Variants in CAMKMT observed in about 807,000 individuals in gnomAD.
CAMKMT encodes CaM KMT.
CAMKMT carries 53 observed loss-of-function variants against 48.0 expected under a neutral mutation model. That is an observed-to-expected ratio of 1.10 (90% CI 0.89 to 1.39). The LOEUF (loss-of-function observed/expected upper bound fraction) is 1.39, where lower values mean the gene tolerates loss of function less well. Among genes scored for constraint, CAMKMT ranks in the 40% most tolerant of loss-of-function variants. The pLI, the probability that CAMKMT is intolerant of heterozygous loss-of-function variation, is 0.00. For synonymous variants in CAMKMT, 165 were observed against 152.3 expected, an observed-to-expected ratio of 1.08 and a Z score of -0.61; for missense variants, 428 against 402.7, an observed-to-expected ratio of 1.06 and a Z score of -0.54.
At chr2:44,417,773 G>A (rs186328392) in intron 3 of CAMKMT, among the ~76,000 whole-genome samples, 12 of 152,236 alleles carry the variant, frequency 7.9e-5, no homozygotes, top group African/African-American at 2.4e-4. Context: ...ATCTCATTGC[G>A]GTTCTATGCA....
chr2:44,469,277 A>T (rs1449251741), intron 3 of CAMKMT, among the ~76,000 whole-genome samples: 1 of 127,348 alleles, frequency 7.9e-6, no homozygotes, highest in East Asian at 2.3e-4. Context: ...ATATAATAAT[A>T]ATTTTTTAAA....
At chr2:44,701,920 G>T (rs566161018) in intron 3 of CAMKMT, among the ~76,000 whole-genome samples, 7 of 151,872 alleles carry the variant, frequency 4.6e-5, no homozygotes, top group African/African-American at 1.7e-4. Context: ...TTGAGATGAC[G>T]TCCAAAATGT....
chr2:44,606,191 G>T (rs566490606), intron 3 of CAMKMT, among the ~76,000 whole-genome samples: 29 of 152,236 alleles, frequency 1.9e-4, no homozygotes, highest in African/African-American at 6.5e-4. Context: ...AGCCACTAAA[G>T]TATTAGCCAA....
At chr2:44,547,726 A>G (rs1259642607) in intron 3 of CAMKMT, among the ~76,000 whole-genome samples, 2 of 152,336 alleles carry the variant, frequency 1.3e-5, no homozygotes, top group Admixed American at 6.5e-5. Context: ...TACCCATTTC[A>G]TAGGGTTACT....
In CAMKMT at chr2:44,361,988, G is replaced by A. The variant is rs759482857; in HGVS notation, c.-20G>A. 4.4e-6 allele frequency: 6 copies of A among 1,378,266 alleles called. No individual in the cohort carries two copies. Among genetic ancestry groups the A allele is most frequent in the Non-Finnish European group, 5.6e-6 (6 of 1,070,212 alleles). 85.4% of individuals were successfully genotyped at this position (1,378,266 alleles called of 1,614,324 possible). ...CGAGCTGCGGCGGTGGCACCTCCGG[G>A]TGTGGAAGGCTCCAGTGAGATGGAG... On this transcript the variant is annotated 5_prime_UTR_variant, in exon 1 of 11. It adds an upstream start codon to the 5' untranslated region. Transcript: ENST00000378494.
intron 3 of CAMKMT, among the ~76,000 whole-genome samples, chr2:44,432,111 C>G (rs1367793481): frequency 6.6e-6 from 1 of 152,064 alleles, no homozygotes; most frequent in African/African-American, 2.4e-5. Flanking sequence ...TAACTCTTGC[C>G]CCACATACAG....
In CAMKMT at chr2:44,410,317, C is replaced by G. The variant is rs569359767; in HGVS notation, c.376+20012C>G. 3.5e-4 allele frequency among the ~76,000 whole-genome samples: 24 copies of G among 68,734 alleles called. 1 individual carries two copies. The highest frequency in any genetic ancestry group is 1.9e-3 in the Admixed American group (13 of 6,716). 45.1% of individuals were successfully genotyped at this position (68,734 alleles called of 152,430 possible). A position where few individuals can be genotyped will look rare whatever the true frequency, so the allele number is the denominator to read the frequency against. ...TGTCGCCCACGCTGGAGTGCAGTGG[C>G]GCGATCTTGGCTCACTGCAGGCTCT... On this transcript the variant is annotated intron_variant, in intron 3 of 10. Coordinates refer to ENST00000378494, the MANE Select transcript of CAMKMT (RefSeq NM_024766.5).
intron 3 of CAMKMT, among the ~76,000 whole-genome samples, chr2:44,525,904 A>T (rs1184030735): frequency 1.3e-5 from 2 of 151,872 alleles, no homozygotes; most frequent in Admixed American, 1.3e-4. Flanking sequence ...CATGTGCACA[A>T]TGTGCAGGTT....
At chr2:44,367,481 C>G (rs141261590) in intron 1 of CAMKMT, among the ~76,000 whole-genome samples, 3 of 152,250 alleles carry the variant, frequency 2.0e-5, no homozygotes, top group African/African-American at 7.2e-5. Context: ...ATATGAAAAA[C>G]AAATGAATTT....
intron 3 of CAMKMT, among the ~76,000 whole-genome samples, chr2:44,391,553 T>A (rs11889669): frequency 0.015 from 2,221 of 152,212 alleles, 50 homozygotes; most frequent in African/African-American, 0.049. Flanking sequence ...TCTGGGGTAA[T>A]GTTAAATATC....
In CAMKMT at chr2:44,766,460, G is replaced by A; in HGVS notation, c.793G>A (p.Gly265Arg). ...AGCGATGGTATTTGCCCCACGCCGA[G>A]GGAATACTTTAAACCAGTTTTGCAA... is the stretch of plus-strand genomic sequence containing the variant. ...GKAMVFAPRR[G>R]NTLNQFCNLA... The change falls in exon 10 of 11, where the codon GGG becomes AGG. Residue 265 changes from glycine (G) to arginine (R), a missense_variant. By Grantham distance (125) the Gly-to-Arg change is moderately radical. Coordinates refer to ENST00000378494, the MANE Select transcript of CAMKMT (RefSeq NM_024766.5). The A allele has an allele frequency of 6.2e-7, 1 of 1,614,134 alleles. No individual in the cohort carries two copies. Among genetic ancestry groups the A allele is most frequent in the Non-Finnish European group, 8.5e-7 (1 of 1,180,022 alleles).
rs544848642 is a variant in CAMKMT at position 44,644,653 on chromosome 2, C to T, written c.377-59630C>T. The stretch of plus-strand genomic sequence containing the variant: ...CAAAATGTAAACTGAAGTTTCTTTT[C>T]ATTTCTTTGCACTGTTAATATTATT... On this transcript the variant is annotated intron_variant, in intron 3 of 10. Transcript: ENST00000378494. Among the ~76,000 whole-genome samples the T allele has an allele frequency of 2.0e-5, 3 of 152,264 alleles. No individual in the cohort carries two copies. The South Asian group carries it at 6.2e-4, about 32-fold the overall frequency.
chr2:44,751,056 A>G (rs1479462384), intron 8 of CAMKMT, among the ~76,000 whole-genome samples: 1 of 152,170 alleles, frequency 6.6e-6, no homozygotes, highest in East Asian at 1.9e-4. Flanking sequence ...CAAGAAGCAT[A>G]GCAGCTGAAT....
intron 3 of CAMKMT, among the ~76,000 whole-genome samples, chr2:44,633,454 T>C (rs961204266): frequency 2.0e-5 from 3 of 152,110 alleles, no homozygotes; most frequent in African/African-American, 7.2e-5. Context: ...TTGTTTTTCG[T>C]TTTTTACCCC....
intron 3 of CAMKMT, among the ~76,000 whole-genome samples, chr2:44,583,346 A>G (rs1428285679): frequency 6.6e-6 from 1 of 152,230 alleles, no homozygotes; most frequent in East Asian, 1.9e-4. Context: ...GACCAGTTAC[A>G]TAATTTTTAA....
intron 3 of CAMKMT, among the ~76,000 whole-genome samples, chr2:44,518,156 A>G (rs187668927): frequency 2.6e-5 from 4 of 152,234 alleles, no homozygotes; most frequent in Non-Finnish European, 4.4e-5. Flanking sequence ...GGAAAACAAA[A>G]ACACTTTTTT....
intron 2 of CAMKMT, among the ~76,000 whole-genome samples, chr2:44,383,020 C>T (rs1342201108): frequency 6.6e-6 from 1 of 152,112 alleles, no homozygotes; most frequent in African/African-American, 2.4e-5. Context: ...GGTTTGGTTT[C>T]TTCTGAGGCC....
At chr2:44,512,424 T>G (rs698776) in intron 3 of CAMKMT, among the ~76,000 whole-genome samples, 2 of 152,024 alleles carry the variant, frequency 1.3e-5, no homozygotes, top group African/African-American at 2.4e-5. Flanking sequence ...TATTATTATT[T>G]TCTAGCTTTT....
At chr2:44,470,345 C>CG (rs1382427667) in intron 3 of CAMKMT, among the ~76,000 whole-genome samples, 3 of 152,172 alleles carry the variant, frequency 2.0e-5, no homozygotes, top group Non-Finnish European at 2.9e-5. Context: ...CACTACCAGC[C>CG]ACTTGTCCTT....
Sources: gnomAD v4.1 joint callset for allele counts (sites outside exome capture counted in the v4.1 genomes callset) on GRCh38, gnomAD v4.1.1 for gene constraint, MANE v1.5 for transcripts, NCBI Gene and HGNC (gene_info 2026-07-23, HGNC 2026-07-21) for gene names.